Variants in FAM178B observed in about 807,000 individuals in gnomAD.
The protein encoded by FAM178B is family with sequence similarity 178 member B.
Under a neutral mutation model 91.7 loss-of-function variants are expected in FAM178B, and 82 were observed. The ratio of observed to expected loss-of-function variants is 0.89; its 90% CI spans 0.75 to 1.07. FAM178B has a LOEUF of 1.07. Ranked by LOEUF, FAM178B falls within the 50% of genes least tolerant of loss-of-function variation. The pLI is 0.00. For synonymous variants in FAM178B, 368 were observed against 359.4 expected (o/e 1.02, Z -0.27); for missense variants, 769 against 846.7 (o/e 0.91, Z 1.14).
chr2:96,939,691 T>C (rs2081693919), intron 8 of FAM178B, among the ~76,000 whole-genome samples: 1 of 151,978 alleles, frequency 6.6e-6, no homozygotes, highest in Non-Finnish European at 1.5e-5. Context: ...TAAAATGAGC[T>C]GGACAAGGGC....
intron 14 of FAM178B, among the ~76,000 whole-genome samples, chr2:96,886,568 C>T (rs762220804): frequency 6.6e-6 from 1 of 152,216 alleles, no homozygotes; most frequent in East Asian, 1.9e-4. Context: ...TTTTTTGACA[C>T]TGTTTAGCCC....
rs372354479 is a variant in FAM178B, at chr2:96,906,763, A to G, written c.1563-4056T>C. ...GCACAGGCCTTCGCCTCCCTGTCAGACAGGGCCAGCTTTCCAGCTGTTTGG... is the reference window on the plus strand; with the variant it reads ...GCACAGGCCTTCGCCTCCCTGTCAGGCAGGGCCAGCTTTCCAGCTGTTTGG... On this transcript the variant is annotated intron_variant, in intron 12 of 16. Transcript: ENST00000490605. Among the ~76,000 whole-genome samples the G allele has an allele frequency of 2.2e-3, 341 of 152,330 alleles. 15 individuals are homozygous for G. In the East Asian group the frequency reaches 0.04, roughly 18 times the overall value.
At position 96,958,322 on chromosome 2, in the gene FAM178B, G is replaced by A. The variant is rs376989601; in HGVS notation, c.887+1966C>T. On this transcript the variant is annotated intron_variant, in intron 6 of 16. Transcript: ENST00000490605. ...CCTGACCTCATGATCCGCCCGCCTCGGCCTCCCAAAGTGTTGGGGTTACAG... is the reference window on the plus strand; with the variant it reads ...CCTGACCTCATGATCCGCCCGCCTCAGCCTCCCAAAGTGTTGGGGTTACAG... Among the ~76,000 whole-genome samples, 32 of 152,102 alleles carry A rather than the reference G, an allele frequency of 2.1e-4. No homozygotes were observed. In the East Asian group the frequency reaches 3.9e-3, roughly 18 times the overall value.
chr2:96,967,556 A>G lies in FAM178B; in HGVS notation c.698T>C (p.Leu233Pro). 1 of 1,550,648 alleles carries G rather than the reference A, an allele frequency of 6.4e-7. No individual in the cohort carries two copies. The highest frequency in any genetic ancestry group is 8.7e-7 in the Non-Finnish European group (1 of 1,146,850). The part of the protein sequence containing the change: ...QECLNLNSLD[L>P]DEEEVPLTPE... ...TGTGAGTGGCACTTCCTCTTCATCA[A>G]GATCCAAGGAGTTGAGATTGAGACA... Residue 233 changes from leucine (L) to proline (P), a missense_variant, in exon 5 of 17, where the codon CTT becomes CCT. Physicochemically the swap from Leu to Pro is moderately conservative, Grantham distance 98 (BLOSUM62 -3). Coordinates refer to ENST00000490605, the MANE Select transcript of FAM178B (RefSeq NM_001122646.3).
chr2:96,941,627 G>T (rs765472188), intron 8 of FAM178B, among the ~76,000 whole-genome samples: 40 of 152,234 alleles, frequency 2.6e-4, no homozygotes, highest in Admixed American at 9.2e-4. Flanking sequence ...TGAACGTCTC[G>T]CCCACTTTCA....
At chr2:96,932,490 T>C (rs1378027541) in intron 8 of FAM178B, among the ~76,000 whole-genome samples, 1 of 152,210 alleles carries the variant, frequency 6.6e-6, no homozygotes, top group African/African-American at 2.4e-5. Context: ...TCCTGAGCTC[T>C]GTTTGTCCCC....
intron 1 of FAM178B, among the ~76,000 whole-genome samples, chr2:96,979,102 G>A (rs2082328956): frequency 6.7e-6 from 1 of 148,232 alleles, no homozygotes; most frequent in Admixed American, 6.9e-5. Context: ...TCAGCCTCCT[G>A]AGTAGCTGGG....
intron 1 of FAM178B, among the ~76,000 whole-genome samples, chr2:96,974,714 T>C (rs2082267215): frequency 6.6e-6 from 1 of 152,098 alleles, no homozygotes; most frequent in African/African-American, 2.4e-5. Flanking sequence ...GTTACACTAA[T>C]AACAGACTTA....
intron 12 of FAM178B, among the ~76,000 whole-genome samples, chr2:96,905,043 C>A (rs1317181580): frequency 6.6e-6 from 1 of 151,064 alleles, no homozygotes; most frequent in East Asian, 2.0e-4. Flanking sequence ...TTACAGGCAA[C>A]CCCAACTCTT....
At chr2:96,937,413 C>G (rs1354651104) in intron 8 of FAM178B, among the ~76,000 whole-genome samples, 1 of 152,130 alleles carries the variant, frequency 6.6e-6, no homozygotes, top group African/African-American at 2.4e-5. Context: ...GCCACACTCC[C>G]GTGCTCTGGT....
rs188460109 is a variant in FAM178B at position 96,966,686 on chromosome 2, T to A, written c.734+834A>T. On this transcript the variant is annotated intron_variant, in intron 5 of 16. Coordinates refer to ENST00000490605, the MANE Select transcript of FAM178B (RefSeq NM_001122646.3). ...GTCCCCCCAAAATATATGTGTTGAA[T>A]CCTCACCCCCAGGGTGAAGGTATTA... 8.5e-5 allele frequency among the ~76,000 whole-genome samples: 13 copies of A among 152,190 alleles called. No individual in the cohort carries two copies. The East Asian group carries it at 2.1e-3, about 25-fold the overall frequency.
chr2:96,958,697 T>TAAAAAAAAAAAAAAAAA (rs55924441), intron 6 of FAM178B, among the ~76,000 whole-genome samples: 2 of 55,534 alleles, frequency 3.6e-5, no homozygotes, highest in African/African-American at 6.9e-5. Context: ...CTCAAAATAC[T>TAAAAAAAAAAAAAAAAA]AAAAAAAAAA....
chr2:96,885,664 G>A (rs2080500497), intron 14 of FAM178B, among the ~76,000 whole-genome samples: 1 of 152,180 alleles, frequency 6.6e-6, no homozygotes. Flanking sequence ...GCTGGAGGGC[G>A]GAGGGCTCCC....
intron 13 of FAM178B, 123 bp downstream of exon 13, chr2:96,902,497 A>G: frequency 4.4e-6 from 3 of 683,172 alleles, no homozygotes; most frequent in Non-Finnish European, 7.9e-6. Flanking sequence ...TCTTGATGAA[A>G]GAACATGAGT....
intron 1 of FAM178B, among the ~76,000 whole-genome samples, chr2:96,978,649 G>A (rs1185610765): frequency 2.7e-5 from 4 of 149,760 alleles, no homozygotes; most frequent in South Asian, 2.1e-4. Context: ...TTTTTGAGAC[G>A]GAGTCTCACT....
intron 13 of FAM178B, among the ~76,000 whole-genome samples, chr2:96,898,625 G>C (rs189668633): frequency 3.3e-5 from 5 of 152,332 alleles, no homozygotes; most frequent in African/African-American, 1.2e-4. Flanking sequence ...CTGCACTCCA[G>C]CCTGGGAAAG....
chr2:96,901,836 T>G (rs1281987014), intron 13 of FAM178B, among the ~76,000 whole-genome samples: 3 of 152,286 alleles, frequency 2.0e-5, no homozygotes, highest in East Asian at 1.9e-4. Context: ...AAAAATTAAA[T>G]AAATGAATTT....
chr2:96,956,756 C>T (rs936799457), intron 6 of FAM178B: 1 of 152,216 alleles, frequency 6.6e-6, no homozygotes, highest in African/African-American at 2.4e-5. Flanking sequence ...CAGGCCGGGC[C>T]CTGCTCAGCC....
chr2:96,947,756 G>A, intron 8 of FAM178B, 62 bp downstream of exon 8: 1 of 968,378 alleles, frequency 1.0e-6, no homozygotes, highest in South Asian at 1.4e-5. Flanking sequence ...GGCACTGAGA[G>A]TCACGTATCA....
Sources: gnomAD v4.1 joint callset for allele counts (sites outside exome capture counted in the v4.1 genomes callset) on GRCh38, gnomAD v4.1.1 for gene constraint, MANE v1.5 for transcripts, NCBI Gene and HGNC (gene_info 2026-07-23, HGNC 2026-07-21) for gene names.